The following SDHAF3 variants were observed in gnomAD, a reference collection of about 807,000 sequenced individuals.
SDHAF3 encodes succinate dehydrogenase complex assembly factor 3, also known as succinate dehydrogenase assembly factor 3, mitochondrial.
In SDHAF3, 18 loss-of-function variants were observed where a neutral mutation model predicts 11.5. That is an observed-to-expected ratio of 1.56 (90% CI 1.08 to 2.32). The LOEUF (loss-of-function observed/expected upper bound fraction) is 2.32, where lower values mean the gene tolerates loss of function less well. Among genes scored for constraint, SDHAF3 ranks in the 30% most tolerant of loss-of-function variants. The pLI is 0.00. For missense variants in SDHAF3, 200 were observed against 154.4 expected, an observed-to-expected ratio of 1.30 and a Z score of -1.57; for synonymous variants, 72 against 59.3, an observed-to-expected ratio of 1.21 and a Z score of -0.99.
chr7:97,131,876 T>C (rs1791676193), intron 1 of SDHAF3, among the ~76,000 whole-genome samples: 1 of 152,210 alleles, frequency 6.6e-6, no homozygotes, highest in African/African-American at 2.4e-5. Flanking sequence ...TTACTGTAGA[T>C]ATCCAATGAT....
intron 1 of SDHAF3, among the ~76,000 whole-genome samples, chr7:97,171,021 A>G (rs1476102890): frequency 1.3e-5 from 2 of 152,112 alleles, no homozygotes; most frequent in African/African-American, 2.4e-5. Flanking sequence ...TTTTTCTATA[A>G]TATATTCTGT....
At chr7:97,155,674 G>A (rs1486087361) in intron 1 of SDHAF3, among the ~76,000 whole-genome samples, 1 of 152,050 alleles carries the variant, frequency 6.6e-6, no homozygotes, top group Non-Finnish European at 1.5e-5. Flanking sequence ...TATATCCTTA[G>A]CATTTGATAT....
intron 1 of SDHAF3, among the ~76,000 whole-genome samples, chr7:97,157,678 T>C (rs1789325681): frequency 6.6e-6 from 1 of 152,146 alleles, no homozygotes; most frequent in African/African-American, 2.4e-5. Context: ...GTATGTTTAT[T>C]GTGGCACTAT....
At chr7:97,135,603 C>CTGTGTGTGTGTG (rs368986011) in intron 1 of SDHAF3, 1 of 112,392 alleles carries the variant, frequency 8.9e-6, no homozygotes, top group Non-Finnish European at 1.8e-5. Flanking sequence ...GTGTGTGTGT[C>CTGTGTGTGTGTG]TGTGTGTGTG....
intron 1 of SDHAF3, among the ~76,000 whole-genome samples, chr7:97,168,633 A>T (rs1323153751): frequency 1.3e-5 from 2 of 152,122 alleles, no homozygotes; most frequent in African/African-American, 4.8e-5. Context: ...TGGGCTAATG[A>T]AGATGGAAAA....
chr7:97,125,591 A>G (rs937138367), intron 1 of SDHAF3, among the ~76,000 whole-genome samples: 10 of 152,062 alleles, frequency 6.6e-5, no homozygotes, highest in South Asian at 4.1e-4. Context: ...TTGATCTTCA[A>G]TCTCTGATAT....
intron 1 of SDHAF3, among the ~76,000 whole-genome samples, chr7:97,130,078 G>C (rs994269117): frequency 6.6e-6 from 1 of 151,772 alleles, no homozygotes; most frequent in Non-Finnish European, 1.5e-5. Flanking sequence ...CCCCAAAGGG[G>C]GCATTACAGC....
chr7:97,167,782 G>A (rs370283820), intron 1 of SDHAF3, among the ~76,000 whole-genome samples: 2 of 152,214 alleles, frequency 1.3e-5, no homozygotes, highest in Admixed American at 6.5e-5. Context: ...ATCGATCTGG[G>A]TGGTGCTAGC....
At chr7:97,172,577 T>A (rs1789617233) in intron 1 of SDHAF3, among the ~76,000 whole-genome samples, 1 of 152,178 alleles carries the variant, frequency 6.6e-6, no homozygotes, top group African/African-American at 2.4e-5. Flanking sequence ...TTTTTGTATG[T>A]CAGTTATATA....
At chr7:97,119,546 G>A (rs1791460310) in intron 1 of SDHAF3, among the ~76,000 whole-genome samples, 1 of 152,152 alleles carries the variant, frequency 6.6e-6, no homozygotes, top group African/African-American at 2.4e-5. Flanking sequence ...CCCTGTGTTA[G>A]CATCTTACAT....
intron 1 of SDHAF3, among the ~76,000 whole-genome samples, chr7:97,176,970 G>A (rs974965847): frequency 6.6e-6 from 1 of 151,928 alleles, no homozygotes; most frequent in African/African-American, 2.4e-5. Flanking sequence ...ACTCCTCAGA[G>A]GTAATCAGGA....
Position 97,117,852 on chromosome 7 carries a change from G to C in SDHAF3, c.129G>C (p.Lys43Asn). ...TGAAAGACGAATTTAGGAGACATAA[G>C]ACCGTTGGTTCTGACGAGGCACAGC... is the stretch of plus-strand genomic sequence containing the variant. ...QYVKDEFRRH[K>N]TVGSDEAQRF... Residue 43 changes from lysine to asparagine, a missense_variant, in exon 1 of 2, where the codon AAG becomes AAC. Lys to Asn is a moderately conservative substitution (Grantham distance 94). Coordinates refer to ENST00000432641, the MANE Select transcript of SDHAF3 (RefSeq NM_020186.3). 1 of 1,614,218 alleles carries C rather than the reference G, an allele frequency of 6.2e-7. No individual in the cohort carries two copies. Among genetic ancestry groups the C allele is most frequent in the Non-Finnish European group, 8.5e-7 (1 of 1,180,024 alleles).
intron 1 of SDHAF3, among the ~76,000 whole-genome samples, chr7:97,162,870 A>G (rs565224022): frequency 6.6e-6 from 1 of 152,190 alleles, no homozygotes; most frequent in South Asian, 2.1e-4. Flanking sequence ...TATTCTGTTG[A>G]TTTGGGGTGG....
chr7:97,153,428 C>T (rs187183676), intron 1 of SDHAF3, among the ~76,000 whole-genome samples: 3 of 152,262 alleles, frequency 2.0e-5, no homozygotes, highest in Admixed American at 1.3e-4. Flanking sequence ...TCTGGGTGTA[C>T]TGCAGTTTGT....
chr7:97,121,854 GTTTTTTT>G (rs56186976), intron 1 of SDHAF3, among the ~76,000 whole-genome samples: 20 of 129,924 alleles, frequency 1.5e-4, no homozygotes, highest in African/African-American at 5.5e-4. Context: ...TTTTTTTTTT[GTTTTTTT>G]TTTTTTTGTT....
chr7:97,178,941 A>AT (rs1789729763), intron 1 of SDHAF3, among the ~76,000 whole-genome samples: 1 of 152,020 alleles, frequency 6.6e-6, no homozygotes, highest in South Asian at 2.1e-4. Flanking sequence ...TTACCTATAT[A>AT]TTTTCTTCTA....
chr7:97,142,199 G>T (rs757562541), intron 1 of SDHAF3, among the ~76,000 whole-genome samples: 2 of 151,330 alleles, frequency 1.3e-5, no homozygotes, highest in Admixed American at 6.6e-5. Flanking sequence ...GATTGCAGGC[G>T]CATACCACCA....
intron 1 of SDHAF3, among the ~76,000 whole-genome samples, chr7:97,119,991 C>A (rs941108744): frequency 5.1e-4 from 78 of 152,262 alleles, no homozygotes; most frequent in Non-Finnish European, 2.5e-4. Context: ...AAGTAATAAT[C>A]CACGTGGTGT....
chr7:97,121,334 T>C (rs1323301448), intron 1 of SDHAF3, among the ~76,000 whole-genome samples: 1 of 152,190 alleles, frequency 6.6e-6, no homozygotes, highest in East Asian at 1.9e-4. Context: ...GGTGAGAGAA[T>C]ATGAGACAAA....
Sources: gnomAD v4.1 joint callset for allele counts (sites outside exome capture counted in the v4.1 genomes callset) on GRCh38, gnomAD v4.1.1 for gene constraint, MANE v1.5 for transcripts, NCBI Gene and HGNC (gene_info 2026-07-23, HGNC 2026-07-21) for gene names.